The following CNTNAP3 variants were observed in gnomAD, a reference collection of about 807,000 sequenced individuals.
CNTNAP3 encodes the protein contactin associated protein family member 3.
CNTNAP3 carries 36 observed loss-of-function variants against 92.1 expected under a neutral mutation model. That is an observed-to-expected ratio of 0.39 (90% confidence interval 0.30 to 0.52). The LOEUF (loss-of-function observed/expected upper bound fraction) is 0.52. Among genes scored for constraint, CNTNAP3 ranks in the 20% least tolerant of loss-of-function variants. CNTNAP3 has a pLI of 0.76. For missense variants in CNTNAP3, 534 were observed against 1,069.6 expected, an observed-to-expected ratio of 0.50 and a Z score of 6.98; for synonymous variants, 232 against 422.3, an observed-to-expected ratio of 0.55 and a Z score of 5.53.
chr9:39,103,110 T>C (rs543008215), intron 16 of CNTNAP3, among the ~76,000 whole-genome samples: 532 of 152,332 alleles, frequency 3.5e-3, no homozygotes, highest in African/African-American at 0.013. Context: ...TTGACAGTCA[T>C]AAATTAAGCT....
chr9:39,131,612 G>T (rs1217432752), intron 13 of CNTNAP3, among the ~76,000 whole-genome samples: 2 of 152,012 alleles, frequency 1.3e-5, no homozygotes, highest in Non-Finnish European at 2.9e-5. Context: ...GATCACCTGA[G>T]GTCAGGAGTT....
Position 39,069,425 on chromosome 9 carries a change from G to C in CNTNAP3, c.*4465C>G, listed in dbSNP as rs1825588883. On this transcript the variant is annotated 3_prime_UTR_variant, in exon 24 of 24. Coordinates refer to ENST00000297668, the MANE Select transcript of CNTNAP3 (RefSeq NM_033655.5). ...TTAGGTACCATCACAAGCTAGCTAAGTTAGAAATTTTCATATCGCAAAATC... is the reference window on the plus strand; with the variant it reads ...TTAGGTACCATCACAAGCTAGCTAACTTAGAAATTTTCATATCGCAAAATC... Among the ~76,000 whole-genome samples the C allele has an allele frequency of 6.6e-6, 1 of 152,312 alleles. No individual in the cohort carries two copies. Among genetic ancestry groups the C allele is most frequent in the African/African-American group, 2.4e-5 (1 of 41,488 alleles).
rs1825553514 is a variant in CNTNAP3 at position 39,068,214 on chromosome 9, A to G, written c.*5676T>C. Among the ~76,000 whole-genome samples the G allele has an allele frequency of 6.6e-6, 1 of 152,092 alleles. No individual in the cohort carries two copies. The highest frequency in any genetic ancestry group is 6.6e-5 in the Admixed American group (1 of 15,266). On this transcript the variant is annotated 3_prime_UTR_variant, in exon 24 of 24. Transcript: ENST00000297668. The stretch of plus-strand genomic sequence containing the variant: ...AGAGATCGAGACCATCCTGGCTAAC[A>G]CGGTGAAACCTTGCCTCCACTAAAA...
Position 39,152,858 on chromosome 9 carries a change from G to T in CNTNAP3, c.1478-2881C>A, listed in dbSNP as rs1414979815. ...TTTGTATTTTTTTTCAGTAGAGACG[G>T]GGTTTCACCATATTAGCCAGGATGG... On this transcript the variant is annotated intron_variant, in intron 9 of 23. Transcript: ENST00000297668. 4.0e-5 allele frequency among the ~76,000 whole-genome samples: 4 copies of T among 99,358 alleles called. 1 individual carries two copies. The highest frequency in any genetic ancestry group is 3.7e-4 in the Admixed American group (4 of 10,838). 65.2% of individuals were successfully genotyped at this position (99,358 alleles called of 152,430 possible).
chr9:39,142,733 A>T (rs1348107233), intron 11 of CNTNAP3, among the ~76,000 whole-genome samples: 1 of 151,904 alleles, frequency 6.6e-6, no homozygotes, highest in African/African-American at 2.4e-5. Context: ...CTAGTACAAA[A>T]ATCATACTTC....
intron 15 of CNTNAP3, chr9:39,106,471 A>G (rs1826608775): frequency 1.3e-5 from 2 of 152,110 alleles, no homozygotes; most frequent in African/African-American, 4.8e-5. Context: ...TTTTTGTAAG[A>G]GACGGGGTCT....
chr9:39,114,326 C>A (rs1347562983), intron 14 of CNTNAP3, among the ~76,000 whole-genome samples: 1 of 152,186 alleles, frequency 6.6e-6, no homozygotes, highest in African/African-American at 2.4e-5. Flanking sequence ...ACCTCGTGAT[C>A]TGCCCGCCTC....
rs756350551 is a variant in CNTNAP3 at position 39,100,130 on chromosome 9, T to G, written c.2776A>C (p.Arg926=). The G allele has an allele frequency of 1.1e-5, 18 of 1,585,468 alleles. No homozygotes were observed. In the Admixed American group the frequency reaches 3.2e-4, roughly 28 times the overall value. ...GACCGAATGCATCCTAGAAAGCCTC[T>G]CTGTCTGGTGGCCGTTCCACCTACA... ...LFIGGTATRQ[R]GFLGCIRSLQ... is the part of the protein sequence containing the mutation. The change falls in exon 18 of 24, where the codon AGA becomes CGA. Residue 926 remains arginine, a synonymous_variant. Coordinates refer to ENST00000297668, the MANE Select transcript of CNTNAP3 (RefSeq NM_033655.5).
At chr9:39,102,823 C>T (rs1464480972) in intron 16 of CNTNAP3, 108 bp from the exon 17 acceptor site, 28 of 1,313,676 alleles carry the variant, frequency 2.1e-5, no homozygotes, top group Admixed American at 8.0e-5. Flanking sequence ...GAGATAATGA[C>T]GGCGATGCAG....
In CNTNAP3 at chr9:39,067,615, C is replaced by T. The variant is rs1371515524; in HGVS notation, c.*6275G>A. The stretch of plus-strand genomic sequence containing the variant: ...GTTTCCACCTTGTTAGCAGGATGGT[C>T]TCCATCTCCCGACCTCGTGATCTGC... On this transcript the variant is annotated 3_prime_UTR_variant, in exon 24 of 24. Transcript: ENST00000297668. 1.3e-5 allele frequency among the ~76,000 whole-genome samples: 2 copies of T among 152,306 alleles called. No homozygotes were observed. The highest frequency in any genetic ancestry group is 1.5e-5 in the Non-Finnish European group (1 of 68,054).
intron 14 of CNTNAP3, among the ~76,000 whole-genome samples, chr9:39,110,310 C>G (rs2778201): frequency 6.7e-6 from 1 of 150,000 alleles, no homozygotes; most frequent in South Asian, 2.1e-4. Context: ...GTGGGAGGAT[C>G]CCTTGAGCCT....
chr9:39,142,008 CTG>C (rs543897291), intron 11 of CNTNAP3, among the ~76,000 whole-genome samples: 8 of 152,250 alleles, frequency 5.3e-5, no homozygotes, highest in African/African-American at 1.7e-4. Flanking sequence ...CAGTGAATGA[CTG>C]TGGACTTGGC....
chr9:39,179,434 A>C (rs1009186744), intron 4 of CNTNAP3, among the ~76,000 whole-genome samples: 2 of 18,514 alleles, frequency 1.1e-4, no homozygotes, highest in Non-Finnish European at 1.7e-4. Context: ...TTGTTGAGAG[A>C]GCATGGCCTT....
Position 39,144,227 on chromosome 9 carries a change from G to T in CNTNAP3, c.1756+13C>A, listed in dbSNP as rs1222597524. On this transcript the variant is annotated intron_variant, in intron 11 of 23. Coordinates refer to ENST00000297668, the MANE Select transcript of CNTNAP3 (RefSeq NM_033655.5). ...AGATGCTGACAGAAACGAGAGGGAG[G>T]CGTGAGGCTTACAGGAATGGCAGGT... 9.4e-6 allele frequency: 15 copies of T among 1,589,514 alleles called. No homozygotes were observed. The highest frequency in any genetic ancestry group is 1.2e-5 in the Non-Finnish European group (14 of 1,168,754).
chr9:39,149,010 T>C (rs891724073), intron 10 of CNTNAP3, among the ~76,000 whole-genome samples: 1 of 152,178 alleles, frequency 6.6e-6, no homozygotes, highest in African/African-American at 2.4e-5. Context: ...TAATACTTAT[T>C]TGAATTAAAT....
intron 9 of CNTNAP3, among the ~76,000 whole-genome samples, chr9:39,152,529 A>G (rs1821864776): frequency 6.8e-6 from 1 of 146,990 alleles, no homozygotes. Context: ...TTAAGAAATA[A>G]ACACATTAAG....
chr9:39,111,719 T>C (rs1826752159), intron 14 of CNTNAP3, among the ~76,000 whole-genome samples: 1 of 152,166 alleles, frequency 6.6e-6, no homozygotes, highest in Admixed American at 6.6e-5. Context: ...GGAGGATGCT[T>C]GTATTTTAAA....
chr9:39,113,973 T>C (rs1820781735), intron 14 of CNTNAP3, among the ~76,000 whole-genome samples: 1 of 144,230 alleles, frequency 6.9e-6, no homozygotes, highest in African/African-American at 2.5e-5. Context: ...TCTCTATATA[T>C]ACACACACAC....
intron 23 of CNTNAP3, among the ~76,000 whole-genome samples, chr9:39,076,849 C>T (rs1215627537): frequency 1.3e-5 from 2 of 152,284 alleles, no homozygotes; most frequent in Non-Finnish European, 2.9e-5. Context: ...GCACCTGTAT[C>T]CCCAGCTACT....
Sources: gnomAD v4.1 joint callset for allele counts (sites outside exome capture counted in the v4.1 genomes callset) on GRCh38, gnomAD v4.1.1 for gene constraint, MANE v1.5 for transcripts, NCBI Gene and HGNC (gene_info 2026-07-23, HGNC 2026-07-21) for gene names.